Variants in XRCC4 observed in about 807,000 individuals in gnomAD.
The protein encoded by XRCC4 is DNA repair protein XRCC4.
Under a neutral mutation model 39.1 loss-of-function variants are expected in XRCC4, and 28 were observed. The ratio of observed to expected loss-of-function variants is 0.72; its 90% CI spans 0.53 to 0.98. The LOEUF is 0.98. Ranked by LOEUF, XRCC4 falls within the 50% of genes least tolerant of loss-of-function variation. The pLI is 0.00. For missense variants in XRCC4, 350 were observed against 376.4 expected (o/e 0.93, Z 0.58); for synonymous variants, 123 against 126.4 (o/e 0.97, Z 0.18).
chr5:83,218,866 A>G (rs1016291264), intron 6 of XRCC4, among the ~76,000 whole-genome samples: 8 of 152,122 alleles, frequency 5.3e-5, no homozygotes, highest in Non-Finnish European at 1.0e-4. Context: ...AAAATTTTCT[A>G]TGTTTATCTG....
At chr5:83,123,439 T>G (rs11741703) in intron 3 of XRCC4, among the ~76,000 whole-genome samples, 74,272 of 151,688 alleles carry the variant, frequency 0.49, 19,119 homozygotes, top group African/African-American at 0.63. Context: ...ATTAGATTTC[T>G]TTTAGGAAGT....
chr5:83,200,255 G>A (rs1751129904), intron 4 of XRCC4, among the ~76,000 whole-genome samples: 1 of 152,148 alleles, frequency 6.6e-6, no homozygotes, highest in African/African-American at 2.4e-5. Flanking sequence ...GTAAATTCAT[G>A]TCATGCAACT....
intron 4 of XRCC4, chr5:83,201,162 C>G (rs1262089590): frequency 6.6e-6 from 1 of 152,086 alleles, no homozygotes; most frequent in Non-Finnish European, 1.5e-5. Context: ...TTTCTGTTTC[C>G]TTATAAGATG....
chr5:83,125,986 C>A (rs1228359734), intron 3 of XRCC4, among the ~76,000 whole-genome samples: 13 of 108,442 alleles, frequency 1.2e-4, no homozygotes, highest in East Asian at 3.1e-4. Context: ...TCCATCTCAT[C>A]AAAAAAAAAA....
chr5:83,184,850 GT>G (rs942917524), intron 3 of XRCC4, among the ~76,000 whole-genome samples: 2 of 151,246 alleles, frequency 1.3e-5, no homozygotes, highest in South Asian at 2.1e-4. Context: ...CGAGAGTGTA[GT>G]TTTTTTTTAC....
chr5:83,358,195 A>G (rs1005310101), downstream of XRCC4, among the ~76,000 whole-genome samples: 1 of 152,096 alleles, frequency 6.6e-6, no homozygotes, highest in Non-Finnish European at 1.5e-5. Context: ...GATTACTGGA[A>G]ATGGATACCT....
the XRCC4 span, among the ~76,000 whole-genome samples, chr5:83,370,027 C>G: frequency 6.6e-6 from 1 of 152,034 alleles, no homozygotes; most frequent in Non-Finnish European, 1.5e-5. Context: ...ATCTTCTGTA[C>G]TCATTTCAAC....
chr5:83,232,655 A>G (rs909000950), intron 6 of XRCC4, among the ~76,000 whole-genome samples: 1 of 152,096 alleles, frequency 6.6e-6, no homozygotes, highest in East Asian at 1.9e-4. Context: ...ATATCCTCCT[A>G]TCTCTCTTCC....
At chr5:83,190,477 G>C (rs1292629756) in intron 3 of XRCC4, among the ~76,000 whole-genome samples, 1 of 152,146 alleles carries the variant, frequency 6.6e-6, no homozygotes, top group Non-Finnish European at 1.5e-5. Flanking sequence ...TATGCACCTA[G>C]TAATAACATC....
At chr5:83,278,530 C>T (rs143980142) in intron 7 of XRCC4, among the ~76,000 whole-genome samples, 1,676 of 152,186 alleles carry the variant, frequency 0.011, 17 homozygotes, top group Non-Finnish European at 0.018. Flanking sequence ...TGCATCTTCA[C>T]AAGGTTAAAA....
intron 6 of XRCC4, among the ~76,000 whole-genome samples, chr5:83,228,595 A>G (rs56212029): frequency 9.2e-5 from 14 of 152,228 alleles, no homozygotes; most frequent in African/African-American, 3.1e-4. Flanking sequence ...ATGGTCACCC[A>G]GGTCTCTAAA....
chr5:83,171,338 C>T (rs1749712645), intron 3 of XRCC4, among the ~76,000 whole-genome samples: 1 of 152,138 alleles, frequency 6.6e-6, no homozygotes, highest in African/African-American at 2.4e-5. Flanking sequence ...CAATTATTCT[C>T]CTGCTTAAAA....
At chr5:83,278,183 T>A (rs140366190) in intron 7 of XRCC4, among the ~76,000 whole-genome samples, 539 of 152,338 alleles carry the variant, frequency 3.5e-3, no homozygotes, top group Non-Finnish European at 5.9e-3. Context: ...TTTGACTTGT[T>A]GTCTGGCTCT....
At chr5:83,142,457 T>C (rs1748228006) in intron 3 of XRCC4, among the ~76,000 whole-genome samples, 1 of 152,266 alleles carries the variant, frequency 6.6e-6, no homozygotes, top group African/African-American at 2.4e-5. Context: ...ATATCATGTC[T>C]TTTACTTTTG....
intron 7 of XRCC4, among the ~76,000 whole-genome samples, chr5:83,338,383 A>G (rs1756656603): frequency 6.6e-6 from 1 of 152,204 alleles, no homozygotes; most frequent in South Asian, 2.1e-4. Flanking sequence ...GTTAGATAAC[A>G]ATGGTTGTTT....
chr5:83,159,065 G>T (rs532227087), intron 3 of XRCC4, among the ~76,000 whole-genome samples: 19 of 152,148 alleles, frequency 1.2e-4, no homozygotes, highest in Admixed American at 9.8e-4. Flanking sequence ...TGGGATTCTT[G>T]TAACTACAGA....
chr5:83,126,588 G>C (rs996523267), intron 3 of XRCC4, among the ~76,000 whole-genome samples: 3 of 152,134 alleles, frequency 2.0e-5, no homozygotes, highest in African/African-American at 7.2e-5. Flanking sequence ...ATGCCCAGGG[G>C]AACTGTGGGG....
intron 2 of XRCC4, among the ~76,000 whole-genome samples, chr5:83,108,676 T>C (rs1427816223): frequency 6.6e-6 from 1 of 151,866 alleles, no homozygotes; most frequent in East Asian, 1.9e-4. Context: ...CTTTTGTGTT[T>C]TCTTCAAGTT....
chr5:83,127,163 T>G (rs1747308473), intron 3 of XRCC4, among the ~76,000 whole-genome samples: 1 of 152,102 alleles, frequency 6.6e-6, no homozygotes, highest in Non-Finnish European at 1.5e-5. Context: ...TGGATGTATT[T>G]TGTGTGTTAT....
Sources: allele counts gnomAD v4.1 joint callset (sites outside exome capture counted in the v4.1 genomes callset), GRCh38; gene constraint gnomAD v4.1.1; transcripts MANE v1.5; gene names NCBI Gene and HGNC (gene_info 2026-07-23, HGNC 2026-07-21).